DYNC2I2: variants seen among roughly 807,000 people sequenced by gnomAD.
The protein encoded by DYNC2I2 is cytoplasmic dynein 2 intermediate chain 2.
Under a neutral mutation model 52.0 loss-of-function variants are expected in DYNC2I2, and 39 were observed. That is an observed-to-expected ratio of 0.75 (90% CI 0.58 to 0.98). DYNC2I2 has a LOEUF of 0.98. Among genes scored for constraint, DYNC2I2 ranks in the 50% least tolerant of loss-of-function variants. The pLI is 0.00. For synonymous variants in DYNC2I2, 359 were observed against 321.1 expected (o/e 1.12, Z -1.26); for missense variants, 743 against 728.4 (o/e 1.02, Z -0.23).
Position 128,650,526 on chromosome 9 carries a change from C to CATATATATATATATATATAT in DYNC2I2, c.186+5995_186+6014dup, listed in dbSNP as rs57194999. Among the ~76,000 whole-genome samples, 43 of 41,468 alleles carry CATATATATATATATATATAT rather than the reference C, an allele frequency of 1.0e-3. 5 individuals are homozygous for CATATATATATATATATATAT. The highest frequency in any genetic ancestry group is 2.3e-3 in the African/African-American group (42 of 18,626). The allele number at this position is 41,468 out of a possible 152,430, so 27.2% of individuals were successfully genotyped here. ...AGAAAAGTCAAGTCAGGCCAAAGAC[C>CATATATATATATATATATAT]ATATATATATATATATATATATGCC... On this transcript the variant is annotated intron_variant, in intron 1 of 8. Coordinates refer to ENST00000372715, the MANE Select transcript of DYNC2I2 (RefSeq NM_052844.4).
chr9:128,640,253 G>A lies in DYNC2I2; in HGVS notation c.435+438C>T, dbSNP rs550014642. On this transcript the variant is annotated intron_variant, in intron 2 of 8. Transcript: ENST00000372715. ...TCTCCATCTCCTGACATTGTGATCC[G>A]CCCGCCTCGGCCTCCCAAAGTGCTG... Among the ~76,000 whole-genome samples the A allele has an allele frequency of 1.5e-4, 22 of 148,720 alleles. No homozygotes were observed. The South Asian group carries it at 3.4e-3, about 23-fold the overall frequency.
intron 3 of DYNC2I2, among the ~76,000 whole-genome samples, 163 bp from the exon 4 acceptor site, chr9:128,636,601 G>A (rs1860420671): frequency 6.6e-6 from 1 of 152,192 alleles, no homozygotes; most frequent in African/African-American, 2.4e-5. Flanking sequence ...AGCACCCCAA[G>A]GGTGTGGCAT....
chr9:128,658,199 T>A (rs1280536890), upstream of DYNC2I2, among the ~76,000 whole-genome samples: 1 of 150,948 alleles, frequency 6.6e-6, no homozygotes, highest in African/African-American at 2.4e-5. Context: ...AGAGTCTCAC[T>A]CTGTCGCCCA....
chr9:128,645,312 A>G (rs939866257), intron 1 of DYNC2I2, among the ~76,000 whole-genome samples: 4 of 152,140 alleles, frequency 2.6e-5, no homozygotes, highest in Admixed American at 6.6e-5. Context: ...CCTGGCCAAC[A>G]CAGCAAAACT....
chr9:128,682,173 C>G, the DYNC2I2 span, among the ~76,000 whole-genome samples: 1,459 of 151,794 alleles, frequency 9.6e-3, 14 homozygotes, highest in South Asian at 0.041. Flanking sequence ...CTCAGCCTCC[C>G]GAGTAGCTGG....
Position 128,635,689 on chromosome 9 carries a change from G to C in DYNC2I2, c.782C>G (p.Thr261Arg). The C allele has an allele frequency of 6.2e-7, 1 of 1,611,622 alleles. No homozygotes were observed. Among genetic ancestry groups the C allele is most frequent in the Non-Finnish European group, 8.5e-7 (1 of 1,179,078 alleles). ...EDPLLWRTGL[T>R]DDTHTDPVSQ... ...CACAGGGTCTGTGTGGGTGTCATCC[G>C]TCAGGCCTGTGCGCCACAGCAGCGG... The change falls in exon 5 of 9, where the codon ACG becomes AGG. Residue 261 changes from threonine to arginine, a missense_variant. Physicochemically the swap from Thr to Arg is moderately conservative, Grantham distance 71. Coordinates refer to ENST00000372715, the MANE Select transcript of DYNC2I2 (RefSeq NM_052844.4).
chr9:128,666,878 G>A, the DYNC2I2 span, among the ~76,000 whole-genome samples: 16 of 151,968 alleles, frequency 1.1e-4, no homozygotes, highest in East Asian at 3.1e-3. Context: ...ACCAGCCTGA[G>A]CAAAATGGCA....
the DYNC2I2 span, among the ~76,000 whole-genome samples, chr9:128,662,408 GTGTTT>G: frequency 3.3e-5 from 5 of 149,998 alleles, no homozygotes; most frequent in African/African-American, 1.2e-4. Flanking sequence ...ACAGTCTTGG[GTGTTT>G]TGTTTTGTTT....
upstream of DYNC2I2, among the ~76,000 whole-genome samples, chr9:128,660,078 A>C (rs1860900181): frequency 6.6e-6 from 1 of 151,368 alleles, no homozygotes; most frequent in Non-Finnish European, 1.5e-5. Context: ...AAAAAAAAAA[A>C]AACCCTCAAA....
the DYNC2I2 span, among the ~76,000 whole-genome samples, chr9:128,682,089 C>T: frequency 6.7e-6 from 1 of 149,924 alleles, no homozygotes; most frequent in Non-Finnish European, 1.5e-5. Flanking sequence ...TTGACAGTCT[C>T]GCTCTGTCGC....
chr9:128,665,484 T>C, the DYNC2I2 span, among the ~76,000 whole-genome samples: 11 of 152,162 alleles, frequency 7.2e-5, no homozygotes, highest in African/African-American at 2.6e-4. Flanking sequence ...AACAAATGTG[T>C]TGGGACCAGG....
the DYNC2I2 span, among the ~76,000 whole-genome samples, chr9:128,668,174 T>A: frequency 6.6e-6 from 1 of 151,906 alleles, no homozygotes; most frequent in Non-Finnish European, 1.5e-5. Flanking sequence ...TTGGCCAGGA[T>A]GGTCTTGATC....
At chr9:128,672,119 G>A in the DYNC2I2 span, among the ~76,000 whole-genome samples, 7 of 151,202 alleles carry the variant, frequency 4.6e-5, no homozygotes, top group Admixed American at 1.3e-4. Flanking sequence ...GACTACAGGC[G>A]CCCACCTGCA....
At chr9:128,634,027 C>T (rs1392111128) in intron 8 of DYNC2I2, 45 bp from the exon 9 acceptor site, 1 of 1,603,468 alleles carries the variant, frequency 6.2e-7, no homozygotes, top group South Asian at 1.1e-5. Flanking sequence ...ACTCTAGAGA[C>T]CAACCACATG....
intron 1 of DYNC2I2, among the ~76,000 whole-genome samples, chr9:128,647,424 A>T (rs1163955388): frequency 6.6e-6 from 1 of 152,156 alleles, no homozygotes; most frequent in East Asian, 1.9e-4. Flanking sequence ...GCCCAGAGCC[A>T]GCCTCCCACA....
the DYNC2I2 span, among the ~76,000 whole-genome samples, chr9:128,674,506 G>A: frequency 6.6e-6 from 1 of 151,872 alleles, no homozygotes; most frequent in Non-Finnish European, 1.5e-5. Flanking sequence ...CACTTTGGGA[G>A]GCCAAGGACG....
rs1320782387 is a variant in DYNC2I2, at chr9:128,633,722, TGCACCC to T, written c.*16_*21del. The stretch of plus-strand genomic sequence containing the variant: ...CACAAGGCTCGGCACAGCGAAGGCT[TGCACCC>T]GCCTCCCGGGACCCCTCAGGCCGCC... On this transcript the variant is annotated 3_prime_UTR_variant, in exon 9 of 9. Coordinates refer to ENST00000372715, the MANE Select transcript of DYNC2I2 (RefSeq NM_052844.4). 2.5e-6 allele frequency: 4 copies of T among 1,607,246 alleles called. No individual in the cohort carries two copies. The South Asian group carries it at 4.4e-5, about 18-fold the overall frequency.
chr9:128,640,497 G>A (rs1051937342), intron 2 of DYNC2I2, among the ~76,000 whole-genome samples, 194 bp downstream of exon 2: 4 of 152,172 alleles, frequency 2.6e-5, no homozygotes, highest in Non-Finnish European at 4.4e-5. Context: ...GAACAATACC[G>A]ACCTCAAGGT....
intron 5 of DYNC2I2, 137 bp from the exon 6 acceptor site, chr9:128,635,396 G>GCCTGCCCCCTGGT: frequency 8.6e-7 from 1 of 1,159,756 alleles, no homozygotes; most frequent in Non-Finnish European, 1.2e-6. Flanking sequence ...CACCCACCAG[G>GCCTGCCCCCTGGT]GGGCAGGCCT....
Sources: allele counts gnomAD v4.1 joint callset (sites outside exome capture counted in the v4.1 genomes callset), GRCh38; gene constraint gnomAD v4.1.1; transcripts MANE v1.5; gene names NCBI Gene and HGNC (gene_info 2026-07-23, HGNC 2026-07-21).